Variants in IQSEC1 observed in about 807,000 individuals in gnomAD.
The protein encoded by IQSEC1 is IQ motif and SEC7 domain-containing protein 1.
A neutral mutation model predicts 91.0 loss-of-function variants in IQSEC1; 31 were observed. The observed-to-expected ratio is 0.34, with a 90% CI of 0.26 to 0.46. The LOEUF (loss-of-function observed/expected upper bound fraction) is 0.46. IQSEC1 is among the 20% of genes least tolerant of loss of function. The probability of loss-of-function intolerance (pLI) is 1.00; values close to 1 mark genes in which losing one functional copy is unlikely to be tolerated. For missense variants in IQSEC1, 1,388 were observed against 1,575.6 expected, an observed-to-expected ratio of 0.88 and a Z score of 2.02; for synonymous variants, 699 against 662.6, an observed-to-expected ratio of 1.05 and a Z score of -0.84.
chr3:13,203,821 C>T (rs149405715), intron 1 of IQSEC1, among the ~76,000 whole-genome samples: 8 of 152,368 alleles, frequency 5.3e-5, no homozygotes, highest in African/African-American at 1.4e-4. Context: ...CTCCCTGCTT[C>T]CTCTCATGGT....
chr3:12,937,061 T>A (rs1575973049), intron 2 of IQSEC1, among the ~76,000 whole-genome samples: 1 of 151,912 alleles, frequency 6.6e-6, no homozygotes, highest in East Asian at 1.9e-4. Context: ...ACCTCCCGAG[T>A]AGCTGGGATT....
At position 12,958,567 on chromosome 3, in the gene IQSEC1, C is replaced by T. The variant is rs370538229; in HGVS notation, c.24-16702G>A. ...CTGTCACGATTTAAGACTGTTATCA[C>T]GTCGCTGCACTGCATGGTGCCATGG... On this transcript the variant is annotated intron_variant, in intron 1 of 13. Transcript: ENST00000613206. Among the ~76,000 whole-genome samples the T allele has an allele frequency of 1.1e-4, 16 of 152,346 alleles. 1 individual carries two copies. The East Asian group carries it at 2.5e-3, about 24-fold the overall frequency.
chr3:13,086,285 C>T (rs985109348), intron 2 of IQSEC1, among the ~76,000 whole-genome samples: 2 of 151,974 alleles, frequency 1.3e-5, no homozygotes, highest in Non-Finnish European at 1.5e-5. Flanking sequence ...GAGATGATGC[C>T]GGTTTGTGCC....
chr3:13,180,723 C>T (rs1337747654), intron 1 of IQSEC1, among the ~76,000 whole-genome samples: 1 of 150,242 alleles, frequency 6.7e-6, no homozygotes, highest in African/African-American at 2.5e-5. Flanking sequence ...GCTCACGAGC[C>T]CACCGGGAGG....
rs1559272063 is a variant in IQSEC1 at position 13,183,155 on chromosome 3, CTCTGTCCCCACCAAT to C, written c.273-19037_273-19023del. On this transcript the variant is annotated intron_variant, in intron 1 of 15. Coordinates refer to the IQSEC1 transcript ENST00000648114. ...CTCCAGCCTGGGTGACAGAGCAAGA[CTCTGTCCCCACCAAT>C]AAATAAACAAACAAACAAACAAACA... 4.7e-5 allele frequency among the ~76,000 whole-genome samples: 7 copies of C among 150,132 alleles called. No individual in the cohort carries two copies. The East Asian group carries it at 1.4e-3, about 30-fold the overall frequency.
intron 2 of IQSEC1, among the ~76,000 whole-genome samples, chr3:12,937,506 C>T (rs1040953470): frequency 5.3e-5 from 8 of 152,208 alleles, no homozygotes; most frequent in African/African-American, 1.9e-4. Flanking sequence ...GGGTTTGCTG[C>T]ACTGAGAAGC....
At chr3:13,157,909 G>A (rs1707109593) in intron 2 of IQSEC1, among the ~76,000 whole-genome samples, 1 of 152,192 alleles carries the variant, frequency 6.6e-6, no homozygotes, top group South Asian at 2.1e-4. Context: ...TCATCATGGG[G>A]CAGAAATTAA....
At chr3:13,100,337 G>A (rs1044080995) in intron 2 of IQSEC1, among the ~76,000 whole-genome samples, 1 of 148,442 alleles carries the variant, frequency 6.7e-6, no homozygotes, top group African/African-American at 2.5e-5. Flanking sequence ...TGTTCCTTCT[G>A]CTCAGAACAC....
In IQSEC1 at chr3:13,073,316, G is replaced by A. The variant is rs1355609570; in HGVS notation, c.-302C>T. 6.6e-6 allele frequency among the ~76,000 whole-genome samples: 1 copy of A among 152,226 alleles called. No individual in the cohort carries two copies. The highest frequency in any genetic ancestry group is 2.4e-5 in the African/African-American group (1 of 41,462). ...GCTGGGCGGGGGCGTCCACCTCGCT[G>A]CTACCTGGGCCCACCTTGGGGTTTT... On this transcript the variant is annotated 5_prime_UTR_variant, in exon 1 of 14. Coordinates refer to ENST00000613206, the MANE Select transcript of IQSEC1 (RefSeq NM_001134382.3).
intron 1 of IQSEC1, among the ~76,000 whole-genome samples, chr3:12,951,895 C>T (rs188994470): frequency 3.7e-4 from 57 of 152,254 alleles, no homozygotes; most frequent in Admixed American, 3.1e-3. Flanking sequence ...TGTTGAGTCC[C>T]GTGCTCAGAG....
intron 1 of IQSEC1, among the ~76,000 whole-genome samples, chr3:13,250,382 A>G (rs905114523): frequency 4.6e-5 from 7 of 151,192 alleles, no homozygotes; most frequent in Non-Finnish European, 1.0e-4. Context: ...GTGATGTCTA[A>G]TGGACAACTG....
intron 1 of IQSEC1, among the ~76,000 whole-genome samples, chr3:13,202,783 T>G (rs1467459393): frequency 6.6e-6 from 1 of 152,216 alleles, no homozygotes; most frequent in African/African-American, 2.4e-5. Context: ...TGGTCAATTT[T>G]ATGTTATCTG....
chr3:13,112,095 A>G (rs1174285085), intron 2 of IQSEC1, among the ~76,000 whole-genome samples: 1 of 152,078 alleles, frequency 6.6e-6, no homozygotes, highest in Admixed American at 6.6e-5. Flanking sequence ...TCCATCTCCC[A>G]GCTGGACTCC....
chr3:13,275,003 A>G (rs1175650513), intron 1 of IQSEC1, among the ~76,000 whole-genome samples: 1 of 152,178 alleles, frequency 6.6e-6, no homozygotes, highest in East Asian at 1.9e-4. Flanking sequence ...GTGGTGGTGA[A>G]CTGCACCAGC....
At position 13,206,278 on chromosome 3, in the gene IQSEC1, CTACTAGGGGT is replaced by C. The variant is rs552157740; in HGVS notation, c.273-42155_273-42146del. On this transcript the variant is annotated intron_variant, in intron 1 of 15. Transcript: ENST00000648114. Reference sequence around the variant, plus strand: ...TGGCACTAACAGAGATTTCAGGCATCTACTAGGGGTTGAAACACATCCCCCTTGGATAAGG... The same window carrying C: ...TGGCACTAACAGAGATTTCAGGCATCTGAAACACATCCCCCTTGGATAAGG... Among the ~76,000 whole-genome samples, 33 of 152,148 alleles carry C rather than the reference CTACTAGGGGT, an allele frequency of 2.2e-4. No individual in the cohort carries two copies. In the South Asian group the frequency reaches 6.8e-3, roughly 32 times the overall value.
At chr3:13,123,773 G>A (rs1331881941) in intron 2 of IQSEC1, among the ~76,000 whole-genome samples, 3 of 152,170 alleles carry the variant, frequency 2.0e-5, no homozygotes, top group East Asian at 1.9e-4. Context: ...CTGTGCTCCC[G>A]CCCAACCCAG....
At chr3:13,180,585 C>G (rs1349899526) in intron 1 of IQSEC1, among the ~76,000 whole-genome samples, 1 of 152,090 alleles carries the variant, frequency 6.6e-6, no homozygotes, top group African/African-American at 2.4e-5. Context: ...CCCTTCCACA[C>G]TGTGGAAGCT....
intron 12 of IQSEC1, among the ~76,000 whole-genome samples, chr3:12,906,567 C>G (rs1695008870): frequency 6.6e-6 from 1 of 152,230 alleles, no homozygotes; most frequent in African/African-American, 2.4e-5. Context: ...CAATGGCAGG[C>G]CCAGGGTGGG....
intron 1 of IQSEC1, among the ~76,000 whole-genome samples, chr3:13,032,441 C>A (rs1425589411): frequency 1.3e-5 from 2 of 152,212 alleles, no homozygotes; most frequent in African/African-American, 4.8e-5. Context: ...CTGCAGGATG[C>A]GGATGGGCCA....
Sources: gnomAD v4.1 joint callset for allele counts (sites outside exome capture counted in the v4.1 genomes callset) on GRCh38, gnomAD v4.1.1 for gene constraint, MANE v1.5 for transcripts, NCBI Gene and HGNC (gene_info 2026-07-23, HGNC 2026-07-21) for gene names.